Variants in MMS22L observed in about 807,000 individuals in gnomAD.
The protein encoded by MMS22L is MMS22 like, DNA repair protein.
A neutral mutation model predicts 159.1 loss-of-function variants in MMS22L; 74 were observed. That is an observed-to-expected ratio of 0.47 (90% CI 0.39 to 0.56). The LOEUF (loss-of-function observed/expected upper bound fraction) is 0.56. Among genes scored for constraint, MMS22L ranks in the 20% least tolerant of loss-of-function variants. The pLI is 0.00. For missense variants in MMS22L, 1,351 were observed against 1,422.1 expected (o/e 0.95, Z 0.80); for synonymous variants, 517 against 506.9 (o/e 1.02, Z -0.27).
intron 14 of MMS22L, among the ~76,000 whole-genome samples, chr6:97,192,539 T>C (rs1296634436): frequency 1.3e-5 from 2 of 152,212 alleles, no homozygotes; most frequent in Non-Finnish European, 2.9e-5. Flanking sequence ...TGCACTTTCA[T>C]AGACTGTAAG....
intron 24 of MMS22L, 34 bp from the exon 25 acceptor site, chr6:97,146,921 T>G (rs772130730): frequency 1.5e-6 from 2 of 1,353,654 alleles, no homozygotes; most frequent in Non-Finnish European, 2.0e-6. Context: ...AGCAAATATA[T>G]TAACATTTTC....
chr6:97,146,722 CA>C lies in MMS22L; in HGVS notation c.*83del, dbSNP rs1800939843. 2.2e-6 allele frequency: 2 copies of C among 897,278 alleles called. No individual in the cohort carries two copies. The highest frequency in any genetic ancestry group is 5.7e-5 in the East Asian group (2 of 35,094). The allele number at this position is 897,278 out of a possible 1,614,324, so 55.6% of individuals were successfully genotyped here. On this transcript the variant is annotated 3_prime_UTR_variant, in exon 25 of 25. Coordinates refer to ENST00000683635, the MANE Select transcript of MMS22L (RefSeq NM_001350599.2). ...AAATTATTTTAAACAGAACATTATACAATTAATTAAAAGTAGGAATTAGAGT... is the reference window on the plus strand; with the variant it reads ...AAATTATTTTAAACAGAACATTATACATTAATTAAAAGTAGGAATTAGAGT...
chr6:97,269,415 GC>G (rs1815493904), intron 7 of MMS22L, among the ~76,000 whole-genome samples: 1 of 152,010 alleles, frequency 6.6e-6, no homozygotes, highest in Non-Finnish European at 1.5e-5. Context: ...TAACTTGTAC[GC>G]AGATTAAAGA....
At chr6:97,215,534 C>T (rs1443439283) in intron 14 of MMS22L, among the ~76,000 whole-genome samples, 2 of 152,174 alleles carry the variant, frequency 1.3e-5, no homozygotes, top group African/African-American at 4.8e-5. Flanking sequence ...AATAGCAGGT[C>T]ATCCCCTGCT....
chr6:97,220,516 G>A (rs771438218), intron 14 of MMS22L, among the ~76,000 whole-genome samples: 17 of 151,972 alleles, frequency 1.1e-4, no homozygotes, highest in Non-Finnish European at 2.4e-4. Context: ...TGTCAATAAA[G>A]CCATTAAAAA....
intron 16 of MMS22L, among the ~76,000 whole-genome samples, chr6:97,180,573 TGAA>T (rs912518132): frequency 3.3e-5 from 5 of 152,170 alleles, no homozygotes; most frequent in East Asian, 1.9e-4. Flanking sequence ...AAGGACACAA[TGAA>T]GAAGAACACA....
chr6:97,248,992 A>G (rs990183734), intron 10 of MMS22L, among the ~76,000 whole-genome samples: 1 of 152,076 alleles, frequency 6.6e-6, no homozygotes, highest in Non-Finnish European at 1.5e-5. Context: ...ACTATGTGAT[A>G]GAGAGTGAAG....
At chr6:97,271,259 T>G (rs1053853696) in intron 6 of MMS22L, 3 of 152,160 alleles carry the variant, frequency 2.0e-5, no homozygotes, top group Non-Finnish European at 2.9e-5. Flanking sequence ...AAAGTTCCCC[T>G]GCTTTAAAAA....
chr6:97,233,238 A>G (rs1299720503), intron 12 of MMS22L, among the ~76,000 whole-genome samples: 1 of 152,142 alleles, frequency 6.6e-6, no homozygotes. Context: ...TCCGAGGCCT[A>G]TAATTCAGAA....
At chr6:97,239,072 C>A in intron 11 of MMS22L, among the ~76,000 whole-genome samples, 1 of 150,678 alleles carries the variant, frequency 6.6e-6, no homozygotes. Context: ...TAACTGTTAC[C>A]AGAAGTTTGC....
intron 7 of MMS22L, among the ~76,000 whole-genome samples, chr6:97,268,884 C>T (rs1815430189): frequency 6.6e-6 from 1 of 151,570 alleles, no homozygotes; most frequent in Non-Finnish European, 1.5e-5. Flanking sequence ...CCTATATAGA[C>T]ATATATATGT....
intron 11 of MMS22L, among the ~76,000 whole-genome samples, chr6:97,237,665 G>A (rs1455410730): frequency 1.3e-5 from 2 of 152,112 alleles, no homozygotes; most frequent in Non-Finnish European, 2.9e-5. Context: ...CTGAGATCTG[G>A]GTTCTGATGC....
chr6:97,282,545 A>T lies in MMS22L; in HGVS notation c.-68T>A. ...TTAAGGGCTCCAAAGAGAAGGTGTG[A>T]AGAGATTCCTGTTGGGGGGGGGGGG... On this transcript the variant is annotated 5_prime_UTR_variant, in exon 2 of 25. Coordinates refer to ENST00000683635, the MANE Select transcript of MMS22L (RefSeq NM_001350599.2). 3.4e-5 allele frequency: 5 copies of T among 147,238 alleles called. No homozygotes were observed. Among genetic ancestry groups the T allele is most frequent in the Non-Finnish European group, 5.8e-5 (5 of 85,788 alleles). 9.1% of individuals were successfully genotyped at this position (147,238 alleles called of 1,614,324 possible).
chr6:97,168,589 C>A (rs1389204910), intron 19 of MMS22L, among the ~76,000 whole-genome samples: 1 of 151,942 alleles, frequency 6.6e-6, no homozygotes, highest in African/African-American at 2.4e-5. Context: ...GCTCATTAGA[C>A]CATTTCAAAT....
chr6:97,244,672 C>A (rs892174089), intron 11 of MMS22L, among the ~76,000 whole-genome samples: 1 of 152,182 alleles, frequency 6.6e-6, no homozygotes, highest in African/African-American at 2.4e-5. Flanking sequence ...AGCTTTGAGA[C>A]CTGGACTGGA....
intron 14 of MMS22L, among the ~76,000 whole-genome samples, chr6:97,195,951 G>A (rs1806451678): frequency 6.6e-6 from 1 of 152,140 alleles, no homozygotes; most frequent in South Asian, 2.1e-4. Flanking sequence ...CAAATTTTGG[G>A]GGAGAAAAAC....
intron 11 of MMS22L, among the ~76,000 whole-genome samples, chr6:97,236,631 A>G (rs1028476303): frequency 6.6e-6 from 1 of 152,158 alleles, no homozygotes; most frequent in Non-Finnish European, 1.5e-5. Context: ...CAAAATTAAG[A>G]TAAGACATTC....
At chr6:97,263,275 T>C (rs1814691413) in intron 9 of MMS22L, 60 bp downstream of exon 9, 9 of 1,038,992 alleles carry the variant, frequency 8.7e-6, no homozygotes, top group South Asian at 3.1e-5. Context: ...GTTAAAACCA[T>C]TGGATTAAAT....
chr6:97,261,004 T>C (rs1461063531), intron 9 of MMS22L: 3 of 152,204 alleles, frequency 2.0e-5, no homozygotes, highest in East Asian at 3.9e-4. Flanking sequence ...TTTTGCCTTC[T>C]ACAGAAACTC....
Sources: allele counts gnomAD v4.1 joint callset (sites outside exome capture counted in the v4.1 genomes callset), GRCh38; gene constraint gnomAD v4.1.1; transcripts MANE v1.5; gene names NCBI Gene and HGNC (gene_info 2026-07-23, HGNC 2026-07-21).